CGRRF1: variants seen among roughly 807,000 people sequenced by gnomAD.
CGRRF1 encodes the protein cell growth regulator with RING finger domain protein 1.
CGRRF1 carries 32 observed loss-of-function variants against 37.2 expected under a neutral mutation model. The observed-to-expected ratio is 0.86, with a 90% CI of 0.65 to 1.16. CGRRF1 has a LOEUF of 1.16. Ranked by LOEUF, CGRRF1 falls within the 50% of genes most tolerant of loss-of-function variation. The probability of loss-of-function intolerance (pLI) is 0.00; values close to 1 mark genes in which losing one functional copy is unlikely to be tolerated. For missense variants in CGRRF1, 391 were observed against 382.6 expected (o/e 1.02, Z -0.18); for synonymous variants, 141 against 140.3 (o/e 1.00, Z -0.04).
chr14:54,533,195 A>G (rs1237604711), intron 4 of CGRRF1, among the ~76,000 whole-genome samples: 1 of 151,656 alleles, frequency 6.6e-6, no homozygotes, highest in Non-Finnish European at 1.5e-5. Context: ...TACCATTTTA[A>G]CCATTTTTGT....
chr14:54,524,773 G>A (rs368502443), intron 2 of CGRRF1, among the ~76,000 whole-genome samples: 1 of 151,840 alleles, frequency 6.6e-6, no homozygotes, highest in South Asian at 2.1e-4. Context: ...CTAGGATCTC[G>A]GCCACTCCCC....
chr14:54,525,335 C>T (rs2032394570), intron 2 of CGRRF1, among the ~76,000 whole-genome samples: 1 of 152,182 alleles, frequency 6.6e-6, no homozygotes, highest in Admixed American at 6.5e-5. Flanking sequence ...CAGAAATAGT[C>T]ACAAATAGAA....
chr14:54,525,914 G>C (rs2032403453), intron 2 of CGRRF1, among the ~76,000 whole-genome samples: 1 of 151,934 alleles, frequency 6.6e-6, no homozygotes, highest in Non-Finnish European at 1.5e-5. Context: ...TGGCCAACAT[G>C]GCGAAACCTC....
chr14:54,511,379 A>G lies in CGRRF1; in HGVS notation c.104+1316A>G, dbSNP rs561365175. On this transcript the variant is annotated intron_variant, in intron 1 of 5. Coordinates refer to ENST00000216420, the MANE Select transcript of CGRRF1 (RefSeq NM_006568.3). ...TTACACAATTGGTTATTCTTGACCCATCAGATTTTATTGCTAATGTTCATT... is the reference window on the plus strand; with the variant it reads ...TTACACAATTGGTTATTCTTGACCCGTCAGATTTTATTGCTAATGTTCATT... 1.4e-3 allele frequency among the ~76,000 whole-genome samples: 219 copies of G among 152,346 alleles called. 1 individual carries two copies. Among genetic ancestry groups the G allele is most frequent in the African/African-American group, 4.8e-3 (201 of 41,570 alleles).
At chr14:54,511,202 A>G (rs1277866948) in intron 1 of CGRRF1, among the ~76,000 whole-genome samples, 1 of 152,204 alleles carries the variant, frequency 6.6e-6, no homozygotes, top group East Asian at 1.9e-4. Flanking sequence ...AATATATGCC[A>G]TCTTTAGGAA....
At chr14:54,527,624 A>G (rs2032434769) in intron 2 of CGRRF1, among the ~76,000 whole-genome samples, 1 of 152,150 alleles carries the variant, frequency 6.6e-6, no homozygotes, top group South Asian at 2.1e-4. Context: ...TCTATAAACG[A>G]GTCTCTTAAG....
chr14:54,515,659 T>C (rs940854964), intron 1 of CGRRF1, among the ~76,000 whole-genome samples: 14 of 152,212 alleles, frequency 9.2e-5, no homozygotes, highest in African/African-American at 3.1e-4. Context: ...TATATCACTA[T>C]GAAATGGACC....
At chr14:54,536,658 G>A (rs776292257) in intron 4 of CGRRF1, 1 of 151,922 alleles carries the variant, frequency 6.6e-6, no homozygotes, top group Non-Finnish European at 1.5e-5. Context: ...ATCTTTTTAT[G>A]AATTGTCCGT....
At chr14:54,525,370 A>G (rs982768484) in intron 2 of CGRRF1, among the ~76,000 whole-genome samples, 1 of 152,274 alleles carries the variant, frequency 6.6e-6, no homozygotes, top group Non-Finnish European at 1.5e-5. Flanking sequence ...GTTTGAGGCA[A>G]ATGAAAAGAT....
chr14:54,521,477 T>G (rs1041677552), intron 1 of CGRRF1, among the ~76,000 whole-genome samples: 1 of 151,554 alleles, frequency 6.6e-6, no homozygotes, highest in Admixed American at 6.6e-5. Flanking sequence ...AAAAAAAAGT[T>G]CCGTTGTCCC....
rs770820206 is a variant in CGRRF1, at chr14:54,530,054, A to G, written c.250A>G (p.Ile84Val). Residue 84 changes from isoleucine (I) to valine (V), a missense_variant, in exon 3 of 6, where the codon ATA (isoleucine) becomes GTA (valine). Transcript: ENST00000216420. ...TTCTCCTTTGTTTTTTACAGCTGGCATAACCTTGACAACAGATTGCCTTGA... is the reference window on the plus strand; with the variant it reads ...TTCTCCTTTGTTTTTTACAGCTGGCGTAACCTTGACAACAGATTGCCTTGA... ...NPSSASITTG[I>V]TLTTDCLEDS... The G allele has an allele frequency of 3.1e-6, 5 of 1,606,410 alleles. No homozygotes were observed. In the Admixed American group the frequency reaches 5.0e-5, roughly 16 times the overall value.
intron 2 of CGRRF1, among the ~76,000 whole-genome samples, chr14:54,528,924 C>G (rs564442971): frequency 8.5e-5 from 13 of 152,238 alleles, no homozygotes; most frequent in African/African-American, 2.9e-4. Context: ...TTTTTGGTAT[C>G]CTGTGGAGCA....
Position 54,512,394 on chromosome 14 carries a change from C to G in CGRRF1, c.104+2331C>G, listed in dbSNP as rs79504120. Among the ~76,000 whole-genome samples the G allele has an allele frequency of 2.0e-5, 3 of 152,322 alleles. No individual in the cohort carries two copies. In the East Asian group the frequency reaches 5.8e-4, roughly 29 times the overall value. ...TGGTGGTTTCTGTGATCTCTGATAGCTTTCTGCAGGCACTGAGCACAAAGA... is the reference window on the plus strand; with the variant it reads ...TGGTGGTTTCTGTGATCTCTGATAGGTTTCTGCAGGCACTGAGCACAAAGA... On this transcript the variant is annotated intron_variant, in intron 1 of 5. Coordinates refer to ENST00000216420, the MANE Select transcript of CGRRF1 (RefSeq NM_006568.3).
chr14:54,537,424 C>T (rs558299208), intron 4 of CGRRF1: 22 of 177,810 alleles, frequency 1.2e-4, no homozygotes, highest in African/African-American at 4.9e-4. Context: ...CTCTCCATTT[C>T]CTTCTTTAGT....
At chr14:54,525,156 A>G (rs975897340) in intron 2 of CGRRF1, among the ~76,000 whole-genome samples, 2 of 152,256 alleles carry the variant, frequency 1.3e-5, no homozygotes, top group Non-Finnish European at 2.9e-5. Flanking sequence ...GCTCTTGAGC[A>G]GGACCCGCAA....
chr14:54,522,110 G>A (rs370704387), intron 1 of CGRRF1, among the ~76,000 whole-genome samples: 3 of 152,186 alleles, frequency 2.0e-5, no homozygotes, highest in African/African-American at 4.8e-5. Context: ...ACCTACACAC[G>A]TCCTTCTGTA....
chr14:54,513,150 G>C (rs2032156941), intron 1 of CGRRF1, among the ~76,000 whole-genome samples: 1 of 152,194 alleles, frequency 6.6e-6, no homozygotes, highest in Non-Finnish European at 1.5e-5. Context: ...CTAAGAATGG[G>C]ATCCTGGTGA....
chr14:54,537,974 A>G, intron 5 of CGRRF1, 89 bp from the exon 6 acceptor site: 1 of 1,468,566 alleles, frequency 6.8e-7, no homozygotes, highest in Non-Finnish European at 9.0e-7. Context: ...TTGCTAGCTC[A>G]TAAATTTTAA....
intron 1 of CGRRF1, among the ~76,000 whole-genome samples, chr14:54,517,574 A>AATTATT (rs970629896): frequency 6.6e-6 from 1 of 151,558 alleles, no homozygotes; most frequent in African/African-American, 2.4e-5. Flanking sequence ...TCCACTTTGC[A>AATTATT]ATTATTATTA....
Sources: gnomAD v4.1 joint callset for allele counts (sites outside exome capture counted in the v4.1 genomes callset) on GRCh38, gnomAD v4.1.1 for gene constraint, MANE v1.5 for transcripts, NCBI Gene and HGNC (gene_info 2026-07-23, HGNC 2026-07-21) for gene names.